SORCS3: variants seen among roughly 807,000 people sequenced by gnomAD.
SORCS3 encodes sortilin related VPS10 domain containing receptor 3, also known as VPS10 domain-containing receptor SorCS3.
In SORCS3, 57 loss-of-function variants were observed where a neutral mutation model predicts 146.3. The ratio of observed to expected loss-of-function variants is 0.39; its 90% CI spans 0.31 to 0.49. The LOEUF is 0.49. Ranked by LOEUF, SORCS3 falls within the 20% of genes least tolerant of loss-of-function variation. The probability of loss-of-function intolerance (pLI) is 0.92; values close to 1 mark genes in which losing one functional copy is unlikely to be tolerated. For missense variants in SORCS3, 1,341 were observed against 1,575.5 expected (o/e 0.85, Z 2.52); for synonymous variants, 653 against 618.5 (o/e 1.06, Z -0.83).
chr10:105,005,778 T>C (rs1364973113), intron 4 of SORCS3, among the ~76,000 whole-genome samples: 1 of 152,172 alleles, frequency 6.6e-6, no homozygotes, highest in African/African-American at 2.4e-5. Flanking sequence ...TTTGTCCTAA[T>C]TATCAGCCCG....
At chr10:104,698,668 T>C (rs1441682615) in intron 1 of SORCS3, among the ~76,000 whole-genome samples, 1 of 152,174 alleles carries the variant, frequency 6.6e-6, no homozygotes, top group East Asian at 1.9e-4. Context: ...AACAAATGGC[T>C]ATCCTGTGTA....
chr10:105,079,585 G>A (rs1052100318), intron 5 of SORCS3, among the ~76,000 whole-genome samples: 2 of 152,046 alleles, frequency 1.3e-5, no homozygotes, highest in African/African-American at 4.8e-5. Flanking sequence ...AAACTTTTAT[G>A]TTTGGTTCAG....
At chr10:105,198,823 G>T (rs932571223) in intron 14 of SORCS3, among the ~76,000 whole-genome samples, 4 of 152,118 alleles carry the variant, frequency 2.6e-5, no homozygotes, top group African/African-American at 7.2e-5. Context: ...GCCTCTTAAA[G>T]GTTTTATTTA....
intron 1 of SORCS3, among the ~76,000 whole-genome samples, chr10:104,813,584 A>G (rs573714559): frequency 4.3e-4 from 66 of 152,272 alleles, no homozygotes; most frequent in Middle Eastern, 3.4e-3. Flanking sequence ...GTGCATGTAT[A>G]GGACAGAACA....
chr10:104,913,481 T>C (rs1011466390), intron 2 of SORCS3, among the ~76,000 whole-genome samples: 13 of 152,166 alleles, frequency 8.5e-5, no homozygotes, highest in African/African-American at 2.4e-4. Context: ...TTTTGGGGGA[T>C]TGATGATTAA....
rs2015473418 is a variant in SORCS3, at chr10:104,644,938, C to T, written c.627+2984C>T. ...ACATGAAGGAGAAGGGCCTTCAGCC[C>T]ACCCCATTGGTCCAGTGTGTGCCCC... On this transcript the variant is annotated intron_variant, in intron 1 of 26. Coordinates refer to ENST00000369701, the MANE Select transcript of SORCS3 (RefSeq NM_014978.3). 2.0e-5 allele frequency among the ~76,000 whole-genome samples: 3 copies of T among 152,222 alleles called. No individual in the cohort carries two copies. In the South Asian group the frequency reaches 6.2e-4, roughly 32 times the overall value.
Position 105,256,967 on chromosome 10 carries a change from A to T in SORCS3, c.3443+43A>T, listed in dbSNP as rs765988959. Reference sequence around the variant, plus strand: ...TCAATTTAGTAGTGGGGTTGGGGTCATTGCAAATGATTCTTCCTATAACTA... The same window carrying T: ...TCAATTTAGTAGTGGGGTTGGGGTCTTTGCAAATGATTCTTCCTATAACTA... On this transcript the variant is annotated intron_variant, in intron 25 of 26. Transcript: ENST00000369701. 1.4e-5 allele frequency: 18 copies of T among 1,329,766 alleles called. No homozygotes were observed. The Admixed American group carries it at 2.2e-4, about 16-fold the overall frequency. The allele number at this position is 1,329,766 out of a possible 1,614,324, so 82.4% of individuals were successfully genotyped here. A position where few individuals can be genotyped will look rare whatever the true frequency, so the allele number is the denominator to read the frequency against.
intron 4 of SORCS3, among the ~76,000 whole-genome samples, chr10:105,025,962 A>AC (rs1183082357): frequency 6.6e-5 from 10 of 151,848 alleles, no homozygotes; most frequent in African/African-American, 9.7e-5. Context: ...AGTAAGTGAC[A>AC]CCCCTTTCTG....
intron 2 of SORCS3, among the ~76,000 whole-genome samples, chr10:104,868,414 G>C (rs577642045): frequency 6.6e-6 from 1 of 152,296 alleles, no homozygotes; most frequent in East Asian, 1.9e-4. Flanking sequence ...TCACACTATT[G>C]AAAAGCTGTG....
intron 3 of SORCS3, among the ~76,000 whole-genome samples, chr10:104,934,139 A>C (rs1235313060): frequency 6.6e-6 from 1 of 151,994 alleles, no homozygotes; most frequent in East Asian, 1.9e-4. Flanking sequence ...TTTCACTCCT[A>C]TTTTTAACCC....
At chr10:104,925,321 G>A (rs746125343) in intron 3 of SORCS3, among the ~76,000 whole-genome samples, 120 of 152,172 alleles carry the variant, frequency 7.9e-4, no homozygotes, top group African/African-American at 2.6e-3. Context: ...GCCGAATTAG[G>A]GGAATTAACA....
intron 1 of SORCS3, among the ~76,000 whole-genome samples, chr10:104,752,278 C>T (rs1267109480): frequency 5.3e-5 from 8 of 151,958 alleles, no homozygotes; most frequent in East Asian, 3.9e-4. Context: ...TCAAGTGATT[C>T]GCCTGCCTCA....
chr10:104,788,426 A>G (rs1345699254), intron 1 of SORCS3, among the ~76,000 whole-genome samples: 1 of 152,214 alleles, frequency 6.6e-6, no homozygotes, highest in Non-Finnish European at 1.5e-5. Context: ...AGGAAAAAAA[A>G]TACGGTGCAG....
chr10:105,256,045 T>C (rs958196150), intron 24 of SORCS3, among the ~76,000 whole-genome samples: 3 of 152,240 alleles, frequency 2.0e-5, no homozygotes, highest in African/African-American at 7.2e-5. Flanking sequence ...GGAGAAAACC[T>C]ACAATTTACT....
At chr10:104,901,873 C>G (rs781573123) in intron 2 of SORCS3, among the ~76,000 whole-genome samples, 1 of 152,124 alleles carries the variant, frequency 6.6e-6, no homozygotes, top group Non-Finnish European at 1.5e-5. Context: ...AATGCTTACT[C>G]CAGAGACATT....
chr10:104,918,316 C>CA (rs960640959), intron 3 of SORCS3, among the ~76,000 whole-genome samples: 6 of 151,760 alleles, frequency 4.0e-5, no homozygotes, highest in South Asian at 4.2e-4. Context: ...AAAATTGAAG[C>CA]AAAAAAAACT....
chr10:104,738,368 A>G (rs893922162), intron 1 of SORCS3, among the ~76,000 whole-genome samples: 9 of 152,266 alleles, frequency 5.9e-5, no homozygotes, highest in African/African-American at 1.4e-4. Context: ...ATGACATTTT[A>G]TATCGATCCA....
intron 2 of SORCS3, among the ~76,000 whole-genome samples, chr10:104,843,314 G>C (rs2018164769): frequency 6.6e-6 from 1 of 152,154 alleles, no homozygotes; most frequent in African/African-American, 2.4e-5. Context: ...CATGGGAAGA[G>C]ATACAGATAC....
At chr10:104,840,591 A>T (rs1023827345) in intron 1 of SORCS3, among the ~76,000 whole-genome samples, 1 of 152,212 alleles carries the variant, frequency 6.6e-6, no homozygotes, top group Non-Finnish European at 1.5e-5. Flanking sequence ...AGAATATCAT[A>T]GTCATTTAAT....
Sources: gnomAD v4.1 joint callset for allele counts (sites outside exome capture counted in the v4.1 genomes callset) on GRCh38, gnomAD v4.1.1 for gene constraint, MANE v1.5 for transcripts, NCBI Gene and HGNC (gene_info 2026-07-23, HGNC 2026-07-21) for gene names.